SIPA1L3: variants seen among roughly 807,000 people sequenced by gnomAD.
SIPA1L3 encodes signal-induced proliferation-associated 1-like protein 3.
A neutral mutation model predicts 150.1 loss-of-function variants in SIPA1L3; 59 were observed. The observed-to-expected ratio is 0.39, with a 90% CI of 0.32 to 0.49. The LOEUF (loss-of-function observed/expected upper bound fraction) is 0.49. Ranked by LOEUF, SIPA1L3 falls within the 20% of genes least tolerant of loss-of-function variation. SIPA1L3 has a pLI of 0.86. For synonymous variants in SIPA1L3, 1,070 were observed against 1,077.6 expected, an observed-to-expected ratio of 0.99 and a Z score of 0.14; for missense variants, 2,211 against 2,489.5, an observed-to-expected ratio of 0.89 and a Z score of 2.38.
intron 2 of SIPA1L3, among the ~76,000 whole-genome samples, chr19:38,075,147 G>GA (rs201187106): frequency 0.023 from 3,517 of 152,340 alleles, 62 homozygotes; most frequent in Middle Eastern, 0.075. Flanking sequence ...AAATATATTG[G>GA]AAAATTTTTT....
intron 6 of SIPA1L3, among the ~76,000 whole-genome samples, chr19:38,104,257 A>AG (rs1970571089): frequency 6.6e-6 from 1 of 152,232 alleles, no homozygotes; most frequent in Non-Finnish European, 1.5e-5. Context: ...CCTCCGCTGA[A>AG]GGAGGCTGTA....
chr19:38,078,544 A>G (rs925217916), intron 2 of SIPA1L3, among the ~76,000 whole-genome samples: 1 of 151,060 alleles, frequency 6.6e-6, no homozygotes, highest in Non-Finnish European at 1.5e-5. Flanking sequence ...AGACACGCAC[A>G]CACACAGACA....
intron 2 of SIPA1L3, among the ~76,000 whole-genome samples, chr19:38,052,350 C>T (rs1242229701): frequency 1.3e-5 from 2 of 152,194 alleles, no homozygotes; most frequent in African/African-American, 4.8e-5. Flanking sequence ...GAGGCCAGTC[C>T]CTAGATGAGC....
At chr19:38,059,047 ACAAAGT>A (rs1312049270) in intron 2 of SIPA1L3, among the ~76,000 whole-genome samples, 70 of 148,212 alleles carry the variant, frequency 4.7e-4, no homozygotes, top group African/African-American at 1.6e-3. Context: ...AAAAAAAAAG[ACAAAGT>A]CTTGCCCTGT....
intron 15 of SIPA1L3, among the ~76,000 whole-genome samples, chr19:38,180,216 AG>A (rs1972525785): frequency 6.6e-6 from 1 of 152,168 alleles, no homozygotes; most frequent in Non-Finnish European, 1.5e-5. Context: ...TCATTTTTCA[AG>A]GATGGTTTTG....
chr19:38,122,224 AAAAC>A (rs1054569567), intron 9 of SIPA1L3, among the ~76,000 whole-genome samples: 1 of 152,174 alleles, frequency 6.6e-6, no homozygotes, highest in Admixed American at 6.5e-5. Flanking sequence ...CTGTCTCAAA[AAAAC>A]AAACAAAAGC....
At chr19:38,058,752 C>A (rs574457078) in intron 2 of SIPA1L3, among the ~76,000 whole-genome samples, 41 of 152,086 alleles carry the variant, frequency 2.7e-4, no homozygotes, top group African/African-American at 9.6e-4. Context: ...TGGCCAGGTG[C>A]GGTGGCTCAC....
chr19:37,929,178 C>T lies in SIPA1L3; in HGVS notation c.-379+21820C>T, dbSNP rs192944083. 5.2e-3 allele frequency among the ~76,000 whole-genome samples: 793 copies of T among 152,162 alleles called. 9 individuals are homozygous for T. Among genetic ancestry groups the T allele is most frequent in the Non-Finnish European group, 6.8e-3 (464 of 67,956 alleles). ...AGCCAAGGGCCAATTAGGATTGACC[C>T]TCTGGGGCTGGGGCTGGGGCTGGGG... On this transcript the variant is annotated intron_variant, in intron 1 of 21. Transcript: ENST00000222345.
intron 2 of SIPA1L3, among the ~76,000 whole-genome samples, chr19:38,076,440 C>G (rs1216571474): frequency 6.6e-6 from 1 of 152,170 alleles, no homozygotes; most frequent in Non-Finnish European, 1.5e-5. Flanking sequence ...GCGACCACCT[C>G]CTGTTGCTAC....
intron 1 of SIPA1L3, among the ~76,000 whole-genome samples, chr19:38,020,308 T>C (rs1302449913): frequency 6.6e-6 from 1 of 152,164 alleles, no homozygotes; most frequent in African/African-American, 2.4e-5. Flanking sequence ...ATTTTTTTTT[T>C]CCGTTCATTC....
intron 4 of SIPA1L3, among the ~76,000 whole-genome samples, chr19:38,090,337 A>G (rs550271344): frequency 9.9e-5 from 15 of 151,920 alleles, no homozygotes; most frequent in Admixed American, 9.9e-4. Context: ...TCTCAAAAAA[A>G]AAAAAAAAAA....
At chr19:38,204,801 C>A (rs1304673160) in intron 21 of SIPA1L3, among the ~76,000 whole-genome samples, 1 of 152,114 alleles carries the variant, frequency 6.6e-6, no homozygotes, top group Non-Finnish European at 1.5e-5. Flanking sequence ...TCCAGTAATT[C>A]CACTTGTGGG....
intron 6 of SIPA1L3, among the ~76,000 whole-genome samples, chr19:38,102,877 C>T (rs1970537787): frequency 6.6e-6 from 1 of 152,092 alleles, no homozygotes; most frequent in Non-Finnish European, 1.5e-5. Context: ...GTAATCCCAG[C>T]ACTTTGTGAG....
At chr19:38,128,489 C>T (rs1971228769) in intron 9 of SIPA1L3, among the ~76,000 whole-genome samples, 1 of 152,174 alleles carries the variant, frequency 6.6e-6, no homozygotes, top group Admixed American at 6.6e-5. Context: ...ATTTGAATTG[C>T]AAGGAATATT....
chr19:38,197,145 A>G (rs1178188852), intron 18 of SIPA1L3, among the ~76,000 whole-genome samples: 1 of 151,966 alleles, frequency 6.6e-6, no homozygotes, highest in Admixed American at 6.5e-5. Flanking sequence ...CGCCAGCCTC[A>G]CAGTGAGGCT....
At chr19:38,124,122 G>A (rs1330417288) in intron 9 of SIPA1L3, among the ~76,000 whole-genome samples, 4 of 149,806 alleles carry the variant, frequency 2.7e-5, no homozygotes, top group Non-Finnish European at 4.5e-5. Flanking sequence ...CCTCCCTCCC[G>A]GACGGGGTGG....
At chr19:38,084,199 G>A (rs573557489) in intron 3 of SIPA1L3, among the ~76,000 whole-genome samples, 66 of 152,106 alleles carry the variant, frequency 4.3e-4, no homozygotes, top group African/African-American at 1.5e-3. Context: ...AGTGCCAGGC[G>A]TCACATCTGT....
At chr19:38,061,493 G>C (rs1014061948) in intron 2 of SIPA1L3, among the ~76,000 whole-genome samples, 6 of 152,274 alleles carry the variant, frequency 3.9e-5, no homozygotes, top group African/African-American at 1.4e-4. Context: ...AGCTGCCTGG[G>C]ACACATCCTT....
intron 2 of SIPA1L3, among the ~76,000 whole-genome samples, chr19:38,067,733 G>T (rs935917850): frequency 2.6e-5 from 4 of 151,262 alleles, no homozygotes; most frequent in African/African-American, 9.7e-5. Context: ...CTGCACTCCA[G>T]CCTGGATGAC....
Sources: allele counts gnomAD v4.1 joint callset (sites outside exome capture counted in the v4.1 genomes callset), GRCh38; gene constraint gnomAD v4.1.1; transcripts MANE v1.5; gene names NCBI Gene and HGNC (gene_info 2026-07-23, HGNC 2026-07-21).